The following GSG1L variants were observed in gnomAD, a reference collection of about 807,000 sequenced individuals.
GSG1L encodes the protein GSG1 like, also known as germ cell-specific gene 1-like protein.
Under a neutral mutation model 42.1 loss-of-function variants are expected in GSG1L, and 24 were observed. That is an observed-to-expected ratio of 0.57 (90% confidence interval 0.41 to 0.80). The LOEUF (loss-of-function observed/expected upper bound fraction) is 0.80, where lower values mean the gene tolerates loss of function less well. Ranked by LOEUF, GSG1L falls within the 30% of genes least tolerant of loss-of-function variation. The pLI is 0.00. For missense variants in GSG1L, 445 were observed against 472.2 expected (o/e 0.94, Z 0.53); for synonymous variants, 215 against 203.5 (o/e 1.06, Z -0.48).
intron 1 of GSG1L, among the ~76,000 whole-genome samples, chr16:28,005,209 G>GTTCAAGCGATTCTCCTGCC (rs536249531): frequency 4.5e-4 from 68 of 152,292 alleles, no homozygotes; most frequent in African/African-American, 1.5e-3. Flanking sequence ...CACCTCCTGG[G>GTTCAAGCGATTCTCCTGCC]TTCAAGCGAT....
intron 2 of GSG1L, among the ~76,000 whole-genome samples, chr16:27,889,541 T>C (rs946648929): frequency 6.6e-6 from 1 of 152,210 alleles, no homozygotes; most frequent in Non-Finnish European, 1.5e-5. Context: ...AGGATTGTCT[T>C]TGGGCAACCA....
chr16:27,947,384 A>AAG (rs373703555), intron 2 of GSG1L, among the ~76,000 whole-genome samples: 70 of 130,760 alleles, frequency 5.4e-4, no homozygotes, highest in African/African-American at 1.8e-3. Flanking sequence ...GAAAGAAAGA[A>AAG]AAAGAAAGAA....
intron 2 of GSG1L, among the ~76,000 whole-genome samples, chr16:27,933,413 GA>G: frequency 6.6e-6 from 1 of 152,210 alleles, no homozygotes; most frequent in East Asian, 1.9e-4. Context: ...TTGAGAAGCT[GA>G]GGTAGGGGGT....
rs57359178 is a variant in GSG1L at position 28,040,966 on chromosome 16, C to T, written c.349+22110G>A. Among the ~76,000 whole-genome samples, 1,042 of 152,346 alleles carry T rather than the reference C, an allele frequency of 6.8e-3. 8 individuals carry two copies. The highest frequency in any genetic ancestry group is 0.021 in the African/African-American group (861 of 41,578). On this transcript the variant is annotated intron_variant, in intron 1 of 6. Transcript: ENST00000447459. The surrounding 1 kb of genome is among the most constrained non-coding windows in gnomAD (Gnocchi z 4.1). ...AGTGCTAGGGTGAGGACTGCACCTCCGTGTCCTCTCAATCTCACATCAACC... is the reference window on the plus strand; with the variant it reads ...AGTGCTAGGGTGAGGACTGCACCTCTGTGTCCTCTCAATCTCACATCAACC...
chr16:28,004,173 C>T (rs1405217176), intron 1 of GSG1L, among the ~76,000 whole-genome samples: 3 of 152,138 alleles, frequency 2.0e-5, no homozygotes, highest in African/African-American at 4.8e-5. Context: ...CAGAGGCCTC[C>T]GCTCTCAGAG....
At chr16:27,865,559 A>G (rs1366483758) in intron 3 of GSG1L, among the ~76,000 whole-genome samples, 2 of 18,734 alleles carry the variant, frequency 1.1e-4, no homozygotes, top group Non-Finnish European at 1.7e-4. Context: ...ATATATATAT[A>G]TATATATATA....
intron 4 of GSG1L, among the ~76,000 whole-genome samples, chr16:27,843,965 C>T (rs968211034): frequency 6.6e-6 from 1 of 152,148 alleles, no homozygotes; most frequent in African/African-American, 2.4e-5. Flanking sequence ...GAAGAGCTCT[C>T]CCCAACAGGG....
chr16:27,980,109 T>G (rs1342537266), intron 1 of GSG1L, among the ~76,000 whole-genome samples: 6 of 152,014 alleles, frequency 3.9e-5, no homozygotes, highest in Non-Finnish European at 8.8e-5. Flanking sequence ...GGGGGGAACC[T>G]GGCAGGGCCA....
chr16:27,937,465 C>T (rs1484072636), intron 2 of GSG1L, among the ~76,000 whole-genome samples: 1 of 152,176 alleles, frequency 6.6e-6, no homozygotes, highest in African/African-American at 2.4e-5. Context: ...AGGTCTTGAA[C>T]TCCTGACCTC....
At chr16:27,825,753 C>A (rs1469839453) in intron 5 of GSG1L, among the ~76,000 whole-genome samples, 3 of 132,352 alleles carry the variant, frequency 2.3e-5, no homozygotes. Flanking sequence ...GGGGACAGTA[C>A]CCCTAATAAT....
At position 27,884,659 on chromosome 16, in the gene GSG1L, G is replaced by A; in HGVS notation, c.398-21C>T. 1 of 1,559,650 alleles carries A rather than the reference G, an allele frequency of 6.4e-7. No individual in the cohort carries two copies. The highest frequency in any genetic ancestry group is 8.7e-7 in the Non-Finnish European group (1 of 1,151,350). On this transcript the variant is annotated intron_variant, in intron 2 of 6. Transcript: ENST00000447459. The surrounding 1 kb of genome is among the most constrained non-coding windows in gnomAD (Gnocchi z 4.4). ...GACCCCTGTCCAACAGAGGCAGAGA[G>A]GCCGTGAGATGAGGGGCCACCCAAG... is the stretch of plus-strand genomic sequence containing the variant.
intron 1 of GSG1L, among the ~76,000 whole-genome samples, chr16:28,026,047 G>C (rs758122085): frequency 6.6e-6 from 1 of 152,154 alleles, no homozygotes; most frequent in African/African-American, 2.4e-5. Flanking sequence ...TGATCAACAC[G>C]TGGCTCTGGG....
At chr16:27,909,381 C>CTTT (rs34041209) in intron 2 of GSG1L, among the ~76,000 whole-genome samples, 3 of 117,808 alleles carry the variant, frequency 2.5e-5, no homozygotes, top group Admixed American at 9.3e-5. Flanking sequence ...TCTTCTTTTT[C>CTTT]TTTTTTTTTT....
At chr16:27,829,074 G>A in intron 4 of GSG1L, 118 bp from the exon 5 acceptor site, 1 of 901,800 alleles carries the variant, frequency 1.1e-6, no homozygotes, top group South Asian at 1.7e-5. Flanking sequence ...TGGTACTTAA[G>A]CAGTTACTGC....
At chr16:27,842,053 T>G (rs4997943) in intron 4 of GSG1L, among the ~76,000 whole-genome samples, 2 of 97,548 alleles carry the variant, frequency 2.1e-5, no homozygotes, top group South Asian at 5.3e-4. Context: ...TTAAATTTCA[T>G]ATCAGTAGCA....
intron 1 of GSG1L, among the ~76,000 whole-genome samples, chr16:27,971,182 G>T (rs1335578808): frequency 6.6e-6 from 1 of 152,144 alleles, no homozygotes; most frequent in Non-Finnish European, 1.5e-5. Context: ...CTTTAAAAAA[G>T]CAAGTTGGAA....
chr16:28,008,002 G>A (rs373303204), intron 1 of GSG1L, among the ~76,000 whole-genome samples: 4 of 152,190 alleles, frequency 2.6e-5, no homozygotes, highest in South Asian at 4.1e-4. Flanking sequence ...CGCATTTTAC[G>A]AGCCGTTGTT....
In GSG1L at chr16:27,884,426, C is replaced by T; in HGVS notation, c.550+60G>A. The stretch of plus-strand genomic sequence containing the variant: ...CGGTTGGTACAACCAGGGCTTACTC[C>T]AAGGGCAGCACCCTTTCTCGCCTGT... On this transcript the variant is annotated intron_variant, in intron 3 of 6. Coordinates refer to ENST00000447459, the MANE Select transcript of GSG1L (RefSeq NM_001109763.2). This position sits in a 1 kb window ranked among gnomAD's most constrained non-coding sequence, Gnocchi z 4.4. 4 of 1,520,776 alleles carry T rather than the reference C, an allele frequency of 2.6e-6. No homozygotes were observed. The highest frequency in any genetic ancestry group is 3.6e-6 in the Non-Finnish European group (4 of 1,121,056). 94.2% of individuals were successfully genotyped at this position (1,520,776 alleles called of 1,614,324 possible).
At chr16:27,860,630 G>A (rs2083636949) in intron 3 of GSG1L, among the ~76,000 whole-genome samples, 1 of 152,230 alleles carries the variant, frequency 6.6e-6, no homozygotes, top group Non-Finnish European at 1.5e-5. Flanking sequence ...TATTGGTGGG[G>A]AGAATTTTCC....
Sources: allele counts gnomAD v4.1 joint callset (sites outside exome capture counted in the v4.1 genomes callset), GRCh38; gene constraint gnomAD v4.1.1; non-coding constraint Gnocchi (gnomAD v3.1); transcripts MANE v1.5; gene names NCBI Gene and HGNC (gene_info 2026-07-23, HGNC 2026-07-21).